Variants in RFT1 observed in about 807,000 individuals in gnomAD.
The protein encoded by RFT1 is RFT1 glycolipid translocator homolog.
RFT1 carries 43 observed loss-of-function variants against 62.2 expected under a neutral mutation model. The ratio of observed to expected loss-of-function variants is 0.69; its 90% CI spans 0.54 to 0.89. The LOEUF is 0.89. Ranked by LOEUF, RFT1 falls within the 40% of genes least tolerant of loss-of-function variation. The probability of loss-of-function intolerance (pLI) is 0.00; values close to 1 mark genes in which losing one functional copy is unlikely to be tolerated. For synonymous variants in RFT1, 262 were observed against 264.6 expected, an observed-to-expected ratio of 0.99 and a Z score of 0.10; for missense variants, 605 against 649.9, an observed-to-expected ratio of 0.93 and a Z score of 0.75.
chr3:53,111,018 A>G (rs1701632873), intron 7 of RFT1, among the ~76,000 whole-genome samples: 1 of 152,218 alleles, frequency 6.6e-6, no homozygotes, highest in African/African-American at 2.4e-5. Flanking sequence ...ACTCTCATAC[A>G]AGTGCATTTT....
At chr3:53,109,036 C>G (rs1176001483) in intron 7 of RFT1, among the ~76,000 whole-genome samples, 1 of 152,164 alleles carries the variant, frequency 6.6e-6, no homozygotes, top group Non-Finnish European at 1.5e-5. Flanking sequence ...CTTTTATACA[C>G]TGACCCCAAG....
downstream of RFT1, among the ~76,000 whole-genome samples, chr3:53,087,512 C>G (rs1700880928): frequency 6.6e-6 from 1 of 150,738 alleles, no homozygotes; most frequent in African/African-American, 2.4e-5. Flanking sequence ...ACATCAAAAG[C>G]TGCTCAGGAA....
intron 11 of RFT1, among the ~76,000 whole-genome samples, chr3:53,095,616 T>C (rs554129397): frequency 8.6e-5 from 13 of 151,530 alleles, no homozygotes; most frequent in African/African-American, 1.7e-4. Flanking sequence ...ACTCAGGAGG[T>C]TGAGGTGGAA....
intron 10 of RFT1, chr3:53,103,302 T>C (rs1011218603): frequency 5.3e-5 from 52 of 984,498 alleles, no homozygotes; most frequent in East Asian, 1.1e-4. Flanking sequence ...AAACCCAAGA[T>C]GAAGCACTGC....
chr3:53,093,171 G>GT (rs764909560), intron 11 of RFT1, among the ~76,000 whole-genome samples: 7 of 152,176 alleles, frequency 4.6e-5, no homozygotes, highest in Admixed American at 1.3e-4. Context: ...GCAGCACCCA[G>GT]TAACCTTGGG....
At chr3:53,066,961 A>G in the RFT1 span, among the ~76,000 whole-genome samples, 2 of 152,258 alleles carry the variant, frequency 1.3e-5, no homozygotes, top group South Asian at 4.1e-4. Flanking sequence ...ATCCATCCAT[A>G]CAATGGAGAC....
the RFT1 span, among the ~76,000 whole-genome samples, chr3:53,068,511 CT>C: frequency 1.3e-5 from 2 of 152,228 alleles, no homozygotes; most frequent in African/African-American, 4.8e-5. Context: ...AGGCAGTATT[CT>C]GTCCACTTTA....
chr3:53,106,729 T>C, intron 8 of RFT1, 90 bp downstream of exon 8: 2 of 971,490 alleles, frequency 2.1e-6, no homozygotes. Context: ...TTCAGGTTCA[T>C]CTTTCATTAA....
chr3:53,105,913 T>C lies in RFT1; in HGVS notation c.827-110A>G, dbSNP rs143613298. The C allele has an allele frequency of 9.4e-6, 10 of 1,064,592 alleles. No individual in the cohort carries two copies. In the African/African-American group the frequency reaches 1.1e-4, roughly 12 times the overall value. The allele number at this position is 1,064,592 out of a possible 1,614,324, so 65.9% of individuals were successfully genotyped here. ...TCATTAAAGTTTGTTTATCTTGAGA[T>C]AATTATAGATTCACACAGAGTTATA... On this transcript the variant is annotated intron_variant, in intron 8 of 12. Transcript: ENST00000296292.
In RFT1 at chr3:53,091,172, G is replaced by A. The variant is rs892693567; in HGVS notation, c.*731C>T. On this transcript the variant is annotated 3_prime_UTR_variant, in exon 13 of 13. Coordinates refer to ENST00000296292, the MANE Select transcript of RFT1 (RefSeq NM_052859.4). ...CGCCTCTTGCAGGTGGCCAGGCCAG[G>A]AGTCTCCAGCCAGCTTTCACCCACC... is the stretch of plus-strand genomic sequence containing the variant. 2 of 152,562 alleles carry A rather than the reference G, an allele frequency of 1.3e-5. No individual in the cohort carries two copies. Among genetic ancestry groups the A allele is most frequent in the Non-Finnish European group, 2.9e-5 (2 of 68,332 alleles). The allele number at this position is 152,562 out of a possible 1,614,324, so 9.5% of individuals were successfully genotyped here. A position where few individuals can be genotyped will look rare whatever the true frequency, so the allele number is the denominator to read the frequency against.
intron 6 of RFT1, among the ~76,000 whole-genome samples, chr3:53,118,478 T>C (rs1701870793): frequency 6.6e-6 from 1 of 152,176 alleles, no homozygotes; most frequent in African/African-American, 2.4e-5. Context: ...TGAGAACATA[T>C]CTGGCTTTGA....
intron 5 of RFT1, among the ~76,000 whole-genome samples, chr3:53,121,001 T>A (rs1431779601): frequency 6.6e-6 from 1 of 152,228 alleles, no homozygotes; most frequent in Non-Finnish European, 1.5e-5. Context: ...CATAAATCAT[T>A]ACTAAGAATC....
At chr3:53,092,669 G>T (rs370152831) in intron 11 of RFT1, 51 bp from the exon 12 acceptor site, 8 of 760,450 alleles carry the variant, frequency 1.1e-5, no homozygotes, top group Admixed American at 5.5e-5. Context: ...CCCTGGACAA[G>T]GCTGCTCCCA....
chr3:53,076,132 T>C, the RFT1 span, among the ~76,000 whole-genome samples: 1 of 152,226 alleles, frequency 6.6e-6, no homozygotes, highest in Non-Finnish European at 1.5e-5. Context: ...ACCCACAAAG[T>C]GGTCCCATTT....
At chr3:53,122,268 T>A (rs995474491) in intron 4 of RFT1, 106 bp downstream of exon 4, 41 of 1,076,888 alleles carry the variant, frequency 3.8e-5, no homozygotes, top group Non-Finnish European at 5.8e-5. Flanking sequence ...CATTTTTAGG[T>A]GCAAGTCTGG....
rs1239410742 is a variant in RFT1 at position 53,089,103 on chromosome 3, C to G, written c.*2800G>C. On this transcript the variant is annotated 3_prime_UTR_variant, in exon 13 of 13. Coordinates refer to ENST00000296292, the MANE Select transcript of RFT1 (RefSeq NM_052859.4). Reference sequence around the variant, plus strand: ...TGAGCCGAGATCGCGCTACTGCACTCCAGCCTGGGCGACAGAGTGAGACTC... The same window carrying G: ...TGAGCCGAGATCGCGCTACTGCACTGCAGCCTGGGCGACAGAGTGAGACTC... 2 of 152,300 alleles carry G rather than the reference C, an allele frequency of 1.3e-5. No individual in the cohort carries two copies. Among genetic ancestry groups the G allele is most frequent in the Non-Finnish European group, 1.5e-5 (1 of 68,152 alleles). The allele number at this position is 152,300 out of a possible 1,614,324, so 9.4% of individuals were successfully genotyped here.
chr3:53,085,782 A>G (rs1271304865), downstream of RFT1: 1 of 152,246 alleles, frequency 6.6e-6, no homozygotes, highest in African/African-American at 2.4e-5. Flanking sequence ...CGCGCTTCCC[A>G]AGAAGAATGG....
At chr3:53,110,627 TG>T (rs1228218147) in intron 7 of RFT1, among the ~76,000 whole-genome samples, 2 of 152,152 alleles carry the variant, frequency 1.3e-5, no homozygotes, top group Admixed American at 6.6e-5. Flanking sequence ...TGCTTTCTTT[TG>T]GAGACATAAT....
At chr3:53,070,419 T>TTTTTTTTTG in the RFT1 span, among the ~76,000 whole-genome samples, 1 of 146,818 alleles carries the variant, frequency 6.8e-6, no homozygotes, top group Non-Finnish European at 1.5e-5. Context: ...TTTTTTTTTT[T>TTTTTTTTTG]GAGACGGAGT....
Sources: gnomAD v4.1 joint callset for allele counts (sites outside exome capture counted in the v4.1 genomes callset) on GRCh38, gnomAD v4.1.1 for gene constraint, MANE v1.5 for transcripts, NCBI Gene and HGNC (gene_info 2026-07-23, HGNC 2026-07-21) for gene names.